The following PLAGL1 variants were observed in gnomAD, a reference collection of about 807,000 sequenced individuals.
The protein encoded by PLAGL1 is zinc finger protein PLAGL1.
A neutral mutation model predicts 4.6 loss-of-function variants in PLAGL1; 1 was observed. The observed-to-expected ratio is 0.22, with a 90% confidence interval of 0.08 to 1.03. The LOEUF (loss-of-function observed/expected upper bound fraction) is 1.03. Among genes scored for constraint, PLAGL1 ranks in the 50% least tolerant of loss-of-function variants. The pLI is 0.58. For missense variants in PLAGL1, 464 were observed against 570.4 expected (o/e 0.81, Z 1.90); for synonymous variants, 240 against 237.8 (o/e 1.01, Z -0.08).
intron 1 of PLAGL1, chr6:144,007,377 G>A (rs1227406772): frequency 6.6e-6 from 1 of 152,220 alleles, no homozygotes; most frequent in African/African-American, 2.4e-5. Flanking sequence ...CTGGGAGGGA[G>A]GGGTTAGAGG....
rs1785602432 is a variant in PLAGL1 at position 143,972,457 on chromosome 6, A to G, written c.-543-3479T>C. ...GTGATAATCTCAAGACTTTTTCTTT[A>G]GTGTGTTCTAAAAAGGTGGTAATTT... is the stretch of plus-strand genomic sequence containing the variant. On this transcript the variant is annotated intron_variant, in intron 2 of 7. Transcript: ENST00000674357. This position sits in a 1 kb window ranked among gnomAD's most constrained non-coding sequence, Gnocchi z 6.8. 6.6e-6 allele frequency among the ~76,000 whole-genome samples: 1 copy of G among 152,200 alleles called. No individual in the cohort carries two copies. Among genetic ancestry groups the G allele is most frequent in the South Asian group, 2.1e-4 (1 of 4,830 alleles).
intron 1 of PLAGL1, among the ~76,000 whole-genome samples, chr6:144,037,902 AT>A (rs1158493343): frequency 6.6e-6 from 1 of 152,188 alleles, no homozygotes; most frequent in Admixed American, 6.5e-5. Context: ...TCAGGCTACA[AT>A]TTCCCCCCTT....
In PLAGL1 at chr6:143,953,016, A is replaced by G. The variant is rs1472270872; in HGVS notation, c.-324-4556T>C. ...CCATCATGGCCGGAAGGCAAGGCCA[A>G]GGATCACTCCACTTGCTGTTTCCTT... On this transcript the variant is annotated intron_variant, in intron 6 of 7. Coordinates refer to ENST00000674357, the MANE Select transcript of PLAGL1 (RefSeq NM_001317162.2). The surrounding 1 kb of genome is among the most constrained non-coding windows in gnomAD (Gnocchi z 5.3). Among the ~76,000 whole-genome samples, 1 of 152,258 alleles carries G rather than the reference A, an allele frequency of 6.6e-6. No individual in the cohort carries two copies. The highest frequency in any genetic ancestry group is 1.5e-5 in the Non-Finnish European group (1 of 68,038).
In PLAGL1 at chr6:144,005,809, T is replaced by G. The variant is rs535075819; in HGVS notation, c.-584+2281A>C. ...AATAAAATATAATAAAATATTAAAG[T>G]CATATGAGGCTATTGAGCACTAAAA... On this transcript the variant is annotated intron_variant, in intron 1 of 7. Coordinates refer to ENST00000674357, the MANE Select transcript of PLAGL1 (RefSeq NM_001317162.2). The surrounding 1 kb of genome is among the most constrained non-coding windows in gnomAD (Gnocchi z 4.6). The G allele has an allele frequency of 6.6e-6, 1 of 151,914 alleles. No homozygotes were observed. The highest frequency in any genetic ancestry group is 2.4e-5 in the African/African-American group (1 of 41,516). The allele number at this position is 151,914 out of a possible 1,614,324, so 9.4% of individuals were successfully genotyped here. A position where few individuals can be genotyped will look rare whatever the true frequency, so the allele number is the denominator to read the frequency against.
intron 1 of PLAGL1, among the ~76,000 whole-genome samples, chr6:144,038,783 C>G (rs983162500): frequency 2.0e-5 from 3 of 152,098 alleles, no homozygotes; most frequent in Non-Finnish European, 2.9e-5. Context: ...GTAGCCAAAT[C>G]TAGAGAGACA....
At chr6:144,041,279 C>T (rs1797706412) in intron 1 of PLAGL1, among the ~76,000 whole-genome samples, 1 of 152,060 alleles carries the variant, frequency 6.6e-6, no homozygotes, top group South Asian at 2.1e-4. Context: ...GTTTGCTGCA[C>T]CTATTAACTC....
rs375076750 is a variant in PLAGL1, at chr6:143,997,376, C to T, written c.-584+10714G>A. On this transcript the variant is annotated intron_variant, in intron 1 of 7. Coordinates refer to ENST00000674357, the MANE Select transcript of PLAGL1 (RefSeq NM_001317162.2). This position sits in a 1 kb window ranked among gnomAD's most constrained non-coding sequence, Gnocchi z 4.6. The stretch of plus-strand genomic sequence containing the variant: ...ATTTGTAAGAACCCAAACTAGAACA[C>T]ACCCACATAGCTATTTACAAAATGG... 6.6e-6 allele frequency among the ~76,000 whole-genome samples: 1 copy of T among 152,300 alleles called. No individual in the cohort carries two copies. Among genetic ancestry groups the T allele is most frequent in the Middle Eastern group, 3.4e-3 (1 of 294 alleles).
rs1310857646 is a variant in PLAGL1 at position 143,952,993 on chromosome 6, A to T, written c.-324-4533T>A. Among the ~76,000 whole-genome samples the T allele has an allele frequency of 6.6e-6, 1 of 152,208 alleles. No homozygotes were observed. The highest frequency in any genetic ancestry group is 2.4e-5 in the African/African-American group (1 of 41,462). On this transcript the variant is annotated intron_variant, in intron 6 of 7. Transcript: ENST00000674357. The surrounding 1 kb of genome is among the most constrained non-coding windows in gnomAD (Gnocchi z 6.1). ...TGCCATGGCTGCAGACCTCACTCCC[A>T]TCATGGCCGGAAGGCAAGGCCAAGG...
Position 143,979,606 on chromosome 6 carries a change from T to A in PLAGL1, c.-544+5529A>T, listed in dbSNP as rs1180588314. Reference sequence around the variant, plus strand: ...GAGTATAAAAACTTTATAGTTATATTTTTCCTCACCTGACCTTTGTGCAAT... The same window carrying A: ...GAGTATAAAAACTTTATAGTTATATATTTCCTCACCTGACCTTTGTGCAAT... On this transcript the variant is annotated intron_variant, in intron 2 of 7. Coordinates refer to ENST00000674357, the MANE Select transcript of PLAGL1 (RefSeq NM_001317162.2). The surrounding 1 kb of genome is among the most constrained non-coding windows in gnomAD (Gnocchi z 4.6). Among the ~76,000 whole-genome samples, 12 of 152,222 alleles carry A rather than the reference T, an allele frequency of 7.9e-5. No homozygotes were observed. Among genetic ancestry groups the A allele is most frequent in the Non-Finnish European group, 1.8e-4 (12 of 67,944 alleles).
At position 143,957,682 on chromosome 6, in the gene PLAGL1, A is replaced by C. The variant is rs1247749027; in HGVS notation, c.-325+2787T>G. 6.6e-6 allele frequency among the ~76,000 whole-genome samples: 1 copy of C among 152,238 alleles called. No homozygotes were observed. The highest frequency in any genetic ancestry group is 2.4e-5 in the African/African-American group (1 of 41,466). On this transcript the variant is annotated intron_variant, in intron 6 of 7. Transcript: ENST00000674357. The surrounding 1 kb of genome is among the most constrained non-coding windows in gnomAD (Gnocchi z 4.2). Reference sequence around the variant, plus strand: ...AGAAGAGAAATGTGAAAAGCATATTAGTTACATTGACCATGGGATGCCTGG... The same window carrying C: ...AGAAGAGAAATGTGAAAAGCATATTCGTTACATTGACCATGGGATGCCTGG...
At position 144,061,697 on chromosome 6, in the gene PLAGL1, G is replaced by C. The variant is rs1473622496; in HGVS notation, c.-151+2771C>G. Among the ~76,000 whole-genome samples the C allele has an allele frequency of 6.6e-6, 1 of 152,164 alleles. No individual in the cohort carries two copies. Among genetic ancestry groups the C allele is most frequent in the Admixed American group, 6.5e-5 (1 of 15,272 alleles). On this transcript the variant is annotated intron_variant, in intron 1 of 3. Coordinates refer to the PLAGL1 transcript ENST00000437412. This position sits in a 1 kb window ranked among gnomAD's most constrained non-coding sequence, Gnocchi z 4.4. The stretch of plus-strand genomic sequence containing the variant: ...GTATATGAAAAAATAAGTCCCTGAG[G>C]AAGAAGTTGGCAGCCAGATTTGATT...
In PLAGL1 at chr6:144,027,398, C is replaced by G. The variant is rs1216807472; in HGVS notation, c.-151+37070G>C. Among the ~76,000 whole-genome samples the G allele has an allele frequency of 6.6e-6, 1 of 151,892 alleles. No individual in the cohort carries two copies. The highest frequency in any genetic ancestry group is 1.9e-4 in the East Asian group (1 of 5,182). On this transcript the variant is annotated intron_variant, in intron 1 of 3. Transcript: ENST00000437412. This position sits in a 1 kb window ranked among gnomAD's most constrained non-coding sequence, Gnocchi z 5.8. ...GGATCTTTTTGTTTCTTCTACAATC[C>G]CATGAGAAACAGCTAGGGAAGAAGA...
rs1226473041 is a variant in PLAGL1, at chr6:143,962,316, A to G, written c.-398-1774T>C. 1.3e-5 allele frequency among the ~76,000 whole-genome samples: 2 copies of G among 152,242 alleles called. No homozygotes were observed. The highest frequency in any genetic ancestry group is 2.9e-5 in the Non-Finnish European group (2 of 68,030). On this transcript the variant is annotated intron_variant, in intron 5 of 7. Coordinates refer to ENST00000674357, the MANE Select transcript of PLAGL1 (RefSeq NM_001317162.2). The surrounding 1 kb of genome is among the most constrained non-coding windows in gnomAD (Gnocchi z 5.3). ...GTCAGAATTTAGATTTCTAAAGCAGAGGGAAAAAAGGGTTTTCATACGTCA... is the reference window on the plus strand; with the variant it reads ...GTCAGAATTTAGATTTCTAAAGCAGGGGGAAAAAAGGGTTTTCATACGTCA...
intron 1 of PLAGL1, among the ~76,000 whole-genome samples, chr6:143,993,893 G>T (rs1791085226): frequency 6.6e-6 from 1 of 152,156 alleles, no homozygotes; most frequent in South Asian, 2.1e-4. Context: ...ATTTTGGAGA[G>T]CACTGTGCTG....
intron 1 of PLAGL1, among the ~76,000 whole-genome samples, chr6:144,062,275 G>C (rs1010399987): frequency 6.6e-6 from 1 of 151,876 alleles, no homozygotes; most frequent in African/African-American, 2.4e-5. Flanking sequence ...TACTTGGGAG[G>C]CTGAGGCAGG....
rs1316959357 is a variant in PLAGL1 at position 143,958,302 on chromosome 6, G to T, written c.-325+2167C>A. Among the ~76,000 whole-genome samples the T allele has an allele frequency of 1.3e-5, 2 of 152,236 alleles. No individual in the cohort carries two copies. Among genetic ancestry groups the T allele is most frequent in the African/African-American group, 4.8e-5 (2 of 41,464 alleles). On this transcript the variant is annotated intron_variant, in intron 6 of 7. Transcript: ENST00000674357. This position sits in a 1 kb window ranked among gnomAD's most constrained non-coding sequence, Gnocchi z 5.1. ...AGATTGAAAGGTACTGTTCTGAAAT[G>T]CTAACTGGTTCTTTTTACATGAGAT...
chr6:144,054,275 T>C (rs1798782653), intron 1 of PLAGL1, among the ~76,000 whole-genome samples: 1 of 152,234 alleles, frequency 6.6e-6, no homozygotes. Context: ...TTTTTACTTA[T>C]GCAAGAAAAA....
chr6:144,060,435 T>C (rs1231431573), intron 1 of PLAGL1, among the ~76,000 whole-genome samples: 1 of 152,238 alleles, frequency 6.6e-6, no homozygotes, highest in Admixed American at 6.5e-5. Flanking sequence ...TCCACCTTCA[T>C]GTATTACATA....
intron 1 of PLAGL1, among the ~76,000 whole-genome samples, chr6:144,054,204 C>A (rs998174104): frequency 6.6e-6 from 1 of 152,204 alleles, no homozygotes; most frequent in Admixed American, 6.5e-5. Context: ...CCAGCCCCTA[C>A]AACAGTCCAT....
Sources: gnomAD v4.1 joint callset for allele counts (sites outside exome capture counted in the v4.1 genomes callset) on GRCh38, gnomAD v4.1.1 for gene constraint, Gnocchi (gnomAD v3.1) non-coding constraint, MANE v1.5 for transcripts, NCBI Gene and HGNC (gene_info 2026-07-23, HGNC 2026-07-21) for gene names.